The following TEX26 variants were observed in gnomAD, a reference collection of about 807,000 sequenced individuals.
The protein encoded by TEX26 is testis-expressed protein 26.
In TEX26, 34 loss-of-function variants were observed where a neutral mutation model predicts 35.3. The ratio of observed to expected loss-of-function variants is 0.96; its 90% CI spans 0.73 to 1.28. The LOEUF (loss-of-function observed/expected upper bound fraction) is 1.28, where lower values mean the gene tolerates loss of function less well. TEX26 is among the 50% of genes most tolerant of loss of function. The pLI, the probability that TEX26 is intolerant of heterozygous loss-of-function variation, is 0.00. For synonymous variants in TEX26, 136 were observed against 111.8 expected (o/e 1.22, Z -1.36); for missense variants, 371 against 330.1 (o/e 1.12, Z -0.96).
chr13:30,949,300 G>A lies in TEX26; in HGVS notation c.147-3360G>A, dbSNP rs1056431723. On this transcript the variant is annotated intron_variant, in intron 2 of 6. Coordinates refer to ENST00000380473, the MANE Select transcript of TEX26 (RefSeq NM_152325.3). ...CAAAATACAGACTTTTTTGATAAAA[G>A]GCTTTTATCATATTTTGAATATATT... Among the ~76,000 whole-genome samples, 19 of 152,038 alleles carry A rather than the reference G, an allele frequency of 1.2e-4. 1 individual carries two copies. The highest frequency in any genetic ancestry group is 1.5e-4 in the Non-Finnish European group (10 of 68,008).
rs773955884 is a variant in TEX26 at position 30,932,797 on chromosome 13, G to A, written c.61+21G>A. On this transcript the variant is annotated intron_variant, in intron 1 of 6. Coordinates refer to ENST00000380473, the MANE Select transcript of TEX26 (RefSeq NM_152325.3). ...GCCAAGTAAGACAGCAGACTCTGCC[G>A]GTCTGCGGGGCGGGGCTGGGGTCTT... The A allele has an allele frequency of 6.8e-6, 11 of 1,611,754 alleles. No homozygotes were observed. In the African/African-American group the frequency reaches 9.3e-5, roughly 14 times the overall value.
intron 6 of TEX26, among the ~76,000 whole-genome samples, chr13:30,973,873 G>T (rs1954790205): frequency 6.6e-6 from 1 of 151,980 alleles, no homozygotes; most frequent in Non-Finnish European, 1.5e-5. Flanking sequence ...TTAGAGGCTG[G>T]GTGCGGTGGC....
chr13:30,964,139 G>C (rs1425586367), intron 4 of TEX26, among the ~76,000 whole-genome samples: 1 of 152,102 alleles, frequency 6.6e-6, no homozygotes, highest in Non-Finnish European at 1.5e-5. Flanking sequence ...CTCCAACACA[G>C]CCCCTCATAC....
At chr13:30,937,142 C>T (rs1015360976) in intron 1 of TEX26, among the ~76,000 whole-genome samples, 1 of 152,112 alleles carries the variant, frequency 6.6e-6, no homozygotes, top group African/African-American at 2.4e-5. Flanking sequence ...AAGAGGGAGG[C>T]TCTCATGGCC....
chr13:30,942,404 A>T (rs996520115), intron 2 of TEX26, among the ~76,000 whole-genome samples: 3 of 151,910 alleles, frequency 2.0e-5, no homozygotes, highest in Non-Finnish European at 4.4e-5. Flanking sequence ...TTCCTTGTAG[A>T]TTTGGGATGT....
At chr13:30,940,512 T>C (rs1953452051) in intron 2 of TEX26, among the ~76,000 whole-genome samples, 1 of 151,584 alleles carries the variant, frequency 6.6e-6, no homozygotes. Context: ...TTTTTGTATT[T>C]TTAGTAGAGA....
At position 30,974,781 on chromosome 13, in the gene TEX26, T is replaced by G. The variant is rs927460945; in HGVS notation, c.809-65T>G. The G allele has an allele frequency of 2.8e-6, 4 of 1,437,954 alleles. No homozygotes were observed. The African/African-American group carries it at 4.4e-5, about 16-fold the overall frequency. 89.1% of individuals were successfully genotyped at this position (1,437,954 alleles called of 1,614,324 possible). On this transcript the variant is annotated intron_variant, in intron 6 of 6. Transcript: ENST00000380473. ...CAGATATTTTCTTCCTTCATAGAAT[T>G]TCCCAATTTATCATTTAAATACTTA...
intron 4 of TEX26, among the ~76,000 whole-genome samples, chr13:30,965,675 C>T (rs532577412): frequency 1.9e-4 from 29 of 151,990 alleles, no homozygotes; most frequent in African/African-American, 6.5e-4. Flanking sequence ...AACAGTGGTG[C>T]TATCCACTAA....
At chr13:30,941,392 A>T (rs1263272761) in intron 2 of TEX26, among the ~76,000 whole-genome samples, 1 of 152,226 alleles carries the variant, frequency 6.6e-6, no homozygotes, top group Non-Finnish European at 1.5e-5. Context: ...AATGTTTAGG[A>T]TGAAAGCCAA....
At position 30,975,082 on chromosome 13, in the gene TEX26, G is replaced by T. The variant is rs1396763869; in HGVS notation, c.*175G>T. 1.3e-5 allele frequency: 6 copies of T among 473,254 alleles called. No homozygotes were observed. Among genetic ancestry groups the T allele is most frequent in the African/African-American group, 2.0e-5 (1 of 48,890 alleles). 29.3% of individuals were successfully genotyped at this position (473,254 alleles called of 1,614,324 possible). A position where few individuals can be genotyped will look rare whatever the true frequency, so the allele number is the denominator to read the frequency against. ...TTTATTTTTAAACAATAAAATTAAG[G>T]CTACAAAATTTTCCCTGAACATAGC... On this transcript the variant is annotated 3_prime_UTR_variant, in exon 7 of 7. Transcript: ENST00000380473.
intron 4 of TEX26, among the ~76,000 whole-genome samples, chr13:30,957,424 G>A (rs1358104193): frequency 6.6e-6 from 1 of 152,112 alleles, no homozygotes; most frequent in African/African-American, 2.4e-5. Context: ...TGAGGGAGGA[G>A]ATCAACGTGG....
At chr13:30,934,648 T>A (rs894953547) in intron 1 of TEX26, among the ~76,000 whole-genome samples, 4 of 152,194 alleles carry the variant, frequency 2.6e-5, no homozygotes, top group African/African-American at 9.6e-5. Flanking sequence ...GCTGCCATCA[T>A]GCTGGCTGCA....
In TEX26 at chr13:30,975,375, C is replaced by G; in HGVS notation, c.*468C>G. 1 of 152,026 alleles carries G rather than the reference C, an allele frequency of 6.6e-6. No homozygotes were observed. The highest frequency in any genetic ancestry group is 1.9e-4 in the East Asian group (1 of 5,198). The allele number at this position is 152,026 out of a possible 1,614,324, so 9.4% of individuals were successfully genotyped here. ...AAGTATATGATTAATTTGTGTGTTA[C>G]GTGAATATGAGAAAAAAATTATAGT... On this transcript the variant is annotated 3_prime_UTR_variant, in exon 7 of 7. Coordinates refer to ENST00000380473, the MANE Select transcript of TEX26 (RefSeq NM_152325.3).
intron 1 of TEX26, among the ~76,000 whole-genome samples, chr13:30,939,458 G>A (rs983013521): frequency 1.3e-5 from 2 of 152,046 alleles, no homozygotes; most frequent in Non-Finnish European, 2.9e-5. Context: ...CTTTAAAATA[G>A]CATGCATGAA....
At chr13:30,971,224 G>A (rs923225260) in intron 6 of TEX26, among the ~76,000 whole-genome samples, 1 of 152,208 alleles carries the variant, frequency 6.6e-6, no homozygotes, top group Non-Finnish European at 1.5e-5. Context: ...TCTTGTGTCA[G>A]GCATGGCACT....
At chr13:30,938,498 G>A (rs67883545) in intron 1 of TEX26, among the ~76,000 whole-genome samples, 17,537 of 152,138 alleles carry the variant, frequency 0.12, 1,102 homozygotes, top group Admixed American at 0.13. Flanking sequence ...GGGCAAGAAT[G>A]TGCTAGCCCA....
At chr13:30,968,760 G>A (rs1331103961) in intron 5 of TEX26, 125 bp from the exon 6 acceptor site, 1 of 835,650 alleles carries the variant, frequency 1.2e-6, no homozygotes, top group African/African-American at 1.7e-5. Flanking sequence ...CCAGCATCAT[G>A]AAGGATGCTG....
chr13:30,966,251 T>A lies in TEX26; in HGVS notation c.499T>A (p.Ser167Thr), dbSNP rs982877457. The change falls in exon 5 of 7, where the codon TCT becomes ACT. Residue 167 changes from serine (S) to threonine (T), a missense_variant. Coordinates refer to ENST00000380473, the MANE Select transcript of TEX26 (RefSeq NM_152325.3). ...GAAGATTAAGAAAAGTTCTCACTTG[T>A]CTCTGGAATGGAAAAAGTTACTTCC... ...AQKIKKSSHL[S>T]LEWKKLLPQP... is the part of the protein sequence containing the mutation. The A allele has an allele frequency of 1.9e-5, 30 of 1,613,832 alleles. No homozygotes were observed. The highest frequency in any genetic ancestry group is 2.5e-5 in the Non-Finnish European group (30 of 1,179,992).
intron 2 of TEX26, among the ~76,000 whole-genome samples, chr13:30,947,881 C>T (rs1306651212): frequency 6.6e-6 from 1 of 151,682 alleles, no homozygotes; most frequent in Non-Finnish European, 1.5e-5. Context: ...TAATGCTATC[C>T]CTCCCCTCTC....
Sources: gnomAD v4.1 joint callset for allele counts (sites outside exome capture counted in the v4.1 genomes callset) on GRCh38, gnomAD v4.1.1 for gene constraint, MANE v1.5 for transcripts, NCBI Gene and HGNC (gene_info 2026-07-23, HGNC 2026-07-21) for gene names.